The following SYNPO2 variants were observed in gnomAD, a reference collection of about 807,000 sequenced individuals.
SYNPO2 encodes synaptopodin 2.
A neutral mutation model predicts 85.0 loss-of-function variants in SYNPO2; 56 were observed. That is an observed-to-expected ratio of 0.66 (90% CI 0.53 to 0.82). The LOEUF (loss-of-function observed/expected upper bound fraction) is 0.82, where lower values mean the gene tolerates loss of function less well. Ranked by LOEUF, SYNPO2 falls within the 40% of genes least tolerant of loss-of-function variation. The probability of loss-of-function intolerance (pLI) is 0.00; values close to 1 mark genes in which losing one functional copy is unlikely to be tolerated. For synonymous variants in SYNPO2, 602 were observed against 591.1 expected, an observed-to-expected ratio of 1.02 and a Z score of -0.27; for missense variants, 1,575 against 1,534.2, an observed-to-expected ratio of 1.03 and a Z score of -0.44.
intron 1 of SYNPO2, among the ~76,000 whole-genome samples, chr4:118,912,737 T>C (rs1317479138): frequency 1.3e-5 from 2 of 152,158 alleles, no homozygotes; most frequent in Non-Finnish European, 2.9e-5. Context: ...TATTTTAAGG[T>C]AGTACCAACT....
At chr4:118,921,135 G>A (rs1044194874) in intron 1 of SYNPO2, among the ~76,000 whole-genome samples, 8 of 152,014 alleles carry the variant, frequency 5.3e-5, no homozygotes, top group Admixed American at 2.6e-4. Flanking sequence ...TTGAACTCCT[G>A]GCCTCAACAG....
At position 118,869,409 on chromosome 4, in the gene SYNPO2, G is replaced by C. The variant is rs552384509; in HGVS notation, c.12+18469G>C. Among the ~76,000 whole-genome samples, 17 of 152,252 alleles carry C rather than the reference G, an allele frequency of 1.1e-4. No homozygotes were observed. The South Asian group carries it at 1.2e-3, about 11-fold the overall frequency. ...TGTTTTTTTGTCACTCTACTTGTTAGTCAATAAACGTTGAAATCTGGAAAT... is the reference window on the plus strand; with the variant it reads ...TGTTTTTTTGTCACTCTACTTGTTACTCAATAAACGTTGAAATCTGGAAAT... On this transcript the variant is annotated intron_variant, in intron 1 of 4. Coordinates refer to the SYNPO2 transcript ENST00000610556.
At chr4:119,022,155 T>G (rs1315376218) in intron 1 of SYNPO2, among the ~76,000 whole-genome samples, 1 of 152,198 alleles carries the variant, frequency 6.6e-6, no homozygotes, top group Non-Finnish European at 1.5e-5. Flanking sequence ...GGGATGGTTT[T>G]TATCAGTCCA....
chr4:119,001,095 G>A (rs1380164), intron 1 of SYNPO2, among the ~76,000 whole-genome samples: 10 of 152,204 alleles, frequency 6.6e-5, no homozygotes, highest in East Asian at 1.9e-4. Context: ...CCCACTGTTC[G>A]TTTTCTCCTT....
At chr4:118,941,559 A>G (rs73844635) in intron 1 of SYNPO2, among the ~76,000 whole-genome samples, 5,685 of 152,218 alleles carry the variant, frequency 0.037, 338 homozygotes, top group African/African-American at 0.13. Context: ...TACATTTTTT[A>G]TCCTTGGATG....
At chr4:119,047,298 G>A (rs1455891481) in intron 4 of SYNPO2, among the ~76,000 whole-genome samples, 2 of 152,166 alleles carry the variant, frequency 1.3e-5, no homozygotes, top group East Asian at 3.9e-4. Context: ...TACCTCAGAT[G>A]ATCCACCCAC....
chr4:118,851,201 T>C (rs1177820772), intron 1 of SYNPO2, among the ~76,000 whole-genome samples: 1 of 152,180 alleles, frequency 6.6e-6, no homozygotes, highest in African/African-American at 2.4e-5. Flanking sequence ...CATCATGAAA[T>C]TGAATACAAT....
chr4:118,890,733 CTGTGTGTGTG>C (rs112390582), intron 1 of SYNPO2, among the ~76,000 whole-genome samples: 3 of 126,150 alleles, frequency 2.4e-5, no homozygotes, highest in African/African-American at 9.0e-5. Context: ...CTCTCTCTCT[CTGTGTGTGTG>C]TGTGTGTGTG....
At chr4:118,881,163 G>A (rs1332145533) in intron 1 of SYNPO2, among the ~76,000 whole-genome samples, 1 of 151,828 alleles carries the variant, frequency 6.6e-6, no homozygotes, top group Non-Finnish European at 1.5e-5. Context: ...TTAGCCGGGT[G>A]TAGTGGCGGG....
intron 1 of SYNPO2, among the ~76,000 whole-genome samples, chr4:118,937,165 G>C (rs932966999): frequency 6.6e-6 from 1 of 152,118 alleles, no homozygotes; most frequent in African/African-American, 2.4e-5. Flanking sequence ...ACTGCACTTA[G>C]GATGAAATAC....
At chr4:118,918,819 T>C (rs1471048505) in intron 1 of SYNPO2, among the ~76,000 whole-genome samples, 1 of 152,142 alleles carries the variant, frequency 6.6e-6, no homozygotes, top group African/African-American at 2.4e-5. Flanking sequence ...ACATACACAG[T>C]TATATTAGGT....
chr4:118,892,237 G>A (rs1045499816), intron 1 of SYNPO2, among the ~76,000 whole-genome samples: 2 of 152,068 alleles, frequency 1.3e-5, no homozygotes, highest in African/African-American at 4.8e-5. Flanking sequence ...TCAATGGCAC[G>A]AAAATCTGTT....
intron 1 of SYNPO2, among the ~76,000 whole-genome samples, chr4:118,851,542 T>C (rs1053782987): frequency 3.3e-5 from 5 of 152,332 alleles, no homozygotes; most frequent in Admixed American, 2.0e-4. Flanking sequence ...GTTTTGTGCT[T>C]TTGCTTATAT....
chr4:118,955,748 G>A (rs1734853543), intron 1 of SYNPO2, among the ~76,000 whole-genome samples: 1 of 48,624 alleles, frequency 2.1e-5, no homozygotes, highest in African/African-American at 6.8e-5. Flanking sequence ...TGACTCTCAT[G>A]TGAAGAATGT....
intron 1 of SYNPO2, among the ~76,000 whole-genome samples, chr4:118,932,526 G>A (rs1216152166): frequency 6.6e-6 from 1 of 152,032 alleles, no homozygotes; most frequent in Non-Finnish European, 1.5e-5. Context: ...ATTTACATTG[G>A]CCAACAAATA....
At chr4:118,988,226 G>T (rs1345148453) in intron 1 of SYNPO2, among the ~76,000 whole-genome samples, 2 of 151,984 alleles carry the variant, frequency 1.3e-5, no homozygotes, top group Admixed American at 1.3e-4. Flanking sequence ...CACCTGTGTA[G>T]CTTGTTGTAT....
rs1312535696 is a variant in SYNPO2 at position 119,058,337 on chromosome 4, A to G, written c.*403A>G. 1 of 159,938 alleles carries G rather than the reference A, an allele frequency of 6.3e-6. No homozygotes were observed. Among genetic ancestry groups the G allele is most frequent in the Non-Finnish European group, 1.4e-5 (1 of 73,178 alleles). The allele number at this position is 159,938 out of a possible 1,614,324, so 9.9% of individuals were successfully genotyped here. ...TAGTCCAGGAAGAAATTAATGGAAT[A>G]TGGTGTGCTAATTATCACTACCTAT... On this transcript the variant is annotated 3_prime_UTR_variant, in exon 5 of 5. Coordinates refer to ENST00000307142, the MANE Select transcript of SYNPO2 (RefSeq NM_133477.3).
At chr4:118,975,929 G>A (rs930754403) in intron 1 of SYNPO2, among the ~76,000 whole-genome samples, 19 of 152,194 alleles carry the variant, frequency 1.2e-4, no homozygotes, top group Admixed American at 6.5e-4. Flanking sequence ...CTCAAAGTCA[G>A]GAGAAAAATA....
rs374516196 is a variant in SYNPO2 at position 119,031,152 on chromosome 4, C to T, written c.2377C>T (p.Pro793Ser). The part of the protein sequence containing the change: ...GVAPTQPPAF[P>S]TSNPSKGTVV... ...GGCTCCCACCCAACCTCCTGCCTTC[C>T]CCACATCCAACCCATCAAAGGGCAC... The change falls in exon 4 of 5, where the codon CCC (proline) becomes TCC (serine). Residue 793 changes from proline (P) to serine (S), a missense_variant. By Grantham distance (74) the Pro-to-Ser change is moderately conservative. This residue lies in a region of SYNPO2 where 1,508 missense variants were observed against 1,446.8 expected (regional missense o/e 1.04). Coordinates refer to ENST00000307142, the MANE Select transcript of SYNPO2 (RefSeq NM_133477.3). 2.3e-5 allele frequency: 37 copies of T among 1,614,028 alleles called. No homozygotes were observed. Among genetic ancestry groups the T allele is most frequent in the Non-Finnish European group, 3.0e-5 (35 of 1,180,032 alleles).
Sources: gnomAD v4.1 joint callset for allele counts (sites outside exome capture counted in the v4.1 genomes callset) on GRCh38, gnomAD v4.1.1 for gene constraint, gnomAD v4.1.1 regional missense constraint, MANE v1.5 for transcripts, NCBI Gene and HGNC (gene_info 2026-07-23, HGNC 2026-07-21) for gene names.